Variants in GPR143 observed in about 807,000 individuals in gnomAD.
The protein encoded by GPR143 is G-protein coupled receptor 143.
In GPR143, 8 loss-of-function variants were observed where a neutral mutation model predicts 27.6. The ratio of observed to expected loss-of-function variants is 0.29; its 90% CI spans 0.17 to 0.52. The LOEUF (loss-of-function observed/expected upper bound fraction) is 0.52. Ranked by LOEUF, GPR143 falls within the 20% of genes least tolerant of loss-of-function variation. The pLI is 0.96. For missense variants in GPR143, 303 were observed against 343.1 expected (o/e 0.88, Z 0.92); for synonymous variants, 156 against 153.2 (o/e 1.02, Z -0.13).
rs754062843 is a variant in GPR143 at position 9,759,376 on chromosome X, A to G, written c.411T>C (p.Tyr137=). 1.7e-6 allele frequency: 2 copies of G among 1,200,403 alleles called. No individual in the cohort carries two copies. The highest frequency in any genetic ancestry group is 3.0e-5 in the East Asian group (1 of 33,604). Residue 137 remains tyrosine (Y), a synonymous_variant, in exon 3 of 9, where the codon TAT becomes TAC. Coordinates refer to ENST00000467482, the MANE Select transcript of GPR143 (RefSeq NM_000273.3). ...GGATCACCAGATAAGCATCCACTGC[A>G]TAGCAAAACAGCCACCAGAAGCAGG... The part of the protein sequence containing the change: ...YSACFWWLFC[Y]AVDAYLVIRR...
upstream of GPR143, among the ~76,000 whole-genome samples, chrX:9,768,498 T>C (rs763327935): frequency 9.0e-6 from 1 of 111,298 alleles, no homozygotes; most frequent in South Asian, 3.8e-4. Context: ...AGGCCAGTCC[T>C]GCTGTCCCTA....
intron 5 of GPR143, among the ~76,000 whole-genome samples, chrX:9,744,832 T>A (rs1334637462): frequency 8.9e-6 from 1 of 112,630 alleles, no homozygotes; most frequent in Admixed American, 9.4e-5. Flanking sequence ...CACCCAGAGG[T>A]AACCACTGTT....
intron 1 of GPR143, among the ~76,000 whole-genome samples, chrX:9,765,227 C>T (rs1177544972): frequency 1.9e-5 from 2 of 105,828 alleles, no homozygotes; most frequent in African/African-American, 6.9e-5. Flanking sequence ...GGCATCGATC[C>T]GGTCTCAACC....
intron 1 of GPR143, among the ~76,000 whole-genome samples, chrX:9,771,898 G>A (rs1387401666): frequency 1.8e-5 from 2 of 109,544 alleles, no homozygotes; most frequent in South Asian, 3.9e-4. Flanking sequence ...TTTAGTAGAG[G>A]TAGGGTTTCA....
chrX:9,769,675 G>A (rs999196789), upstream of GPR143, among the ~76,000 whole-genome samples: 1 of 111,357 alleles, frequency 9.0e-6, no homozygotes, highest in Non-Finnish European at 1.9e-5. Flanking sequence ...TCTGCCTCCC[G>A]GGTTCAAGTG....
At chrX:9,760,643 C>G (rs2083493169) in intron 2 of GPR143, 74 bp downstream of exon 2, 1 of 574,967 alleles carries the variant, frequency 1.7e-6, no homozygotes, top group Admixed American at 2.7e-5. Context: ...CTAACAGACT[C>G]CCAGGGTTTG....
intron 1 of GPR143, among the ~76,000 whole-genome samples, chrX:9,761,375 G>C: frequency 8.9e-6 from 1 of 112,650 alleles, no homozygotes; most frequent in Non-Finnish European, 1.9e-5. Context: ...ACAGGCGTGA[G>C]CCACCGCGCC....
At chrX:9,771,823 T>C (rs1398738339) in intron 1 of GPR143, among the ~76,000 whole-genome samples, 1 of 107,304 alleles carries the variant, frequency 9.3e-6, no homozygotes, top group African/African-American at 3.4e-5. Flanking sequence ...GCGATTCTCC[T>C]GCCTCAGCTC....
chrX:9,727,676 A>C (rs1865219862), intron 8 of GPR143, among the ~76,000 whole-genome samples: 2 of 113,115 alleles, frequency 1.8e-5, no homozygotes, highest in South Asian at 7.2e-4. Context: ...TACTTGCTCC[A>C]GCCGCAACAC....
chrX:9,759,503 G>T, intron 2 of GPR143, 77 bp from the exon 3 acceptor site: 1 of 668,791 alleles, frequency 1.5e-6, no homozygotes, highest in Non-Finnish European at 2.4e-6. Context: ...AGACGGCAGG[G>T]TAGACACTGG....
rs182693560 is a variant in GPR143 at position 9,754,365 on chromosome X, G to A, written c.455+4967C>T. ...TCCCTAGCCTGGCTGGGCTGGGAGC[G>A]GGTGAGGGTTGGGGGTATGTCTCAG... On this transcript the variant is annotated intron_variant, in intron 3 of 8. Transcript: ENST00000467482. 1.5e-3 allele frequency among the ~76,000 whole-genome samples: 173 copies of A among 111,792 alleles called. 1 individual carries two copies. The highest frequency in any genetic ancestry group is 5.3e-3 in the African/African-American group (164 of 30,815).
chrX:9,763,224 C>T (rs377185776), intron 1 of GPR143, among the ~76,000 whole-genome samples: 27 of 110,921 alleles, frequency 2.4e-4, no homozygotes, highest in African/African-American at 7.5e-4. Context: ...CAGGCGTGAG[C>T]CACCGCACCT....
chrX:9,776,698 G>C (rs780115023), intron 1 of GPR143, among the ~76,000 whole-genome samples: 1 of 107,187 alleles, frequency 9.3e-6, no homozygotes, highest in South Asian at 4.2e-4. Flanking sequence ...CCAAACTTGT[G>C]ACATTACTTA....
At chrX:9,770,600 C>T (rs1360111444), upstream of GPR143, among the ~76,000 whole-genome samples, 1 of 110,787 alleles carries the variant, frequency 9.0e-6, no homozygotes, top group Non-Finnish European at 1.9e-5. Context: ...AGATGTATTG[C>T]TCACCCTTCC....
intron 1 of GPR143, among the ~76,000 whole-genome samples, chrX:9,773,244 A>G (rs1211636543): frequency 8.9e-6 from 1 of 111,850 alleles, no homozygotes; most frequent in African/African-American, 3.3e-5. Context: ...ACATTTCTTT[A>G]TAAGAATGTC....
chrX:9,749,474 C>T (rs1191392440), intron 3 of GPR143, among the ~76,000 whole-genome samples: 1 of 111,520 alleles, frequency 9.0e-6, no homozygotes, highest in Non-Finnish European at 1.9e-5. Context: ...AACCACTAAT[C>T]TAGTTTCTGT....
intron 3 of GPR143, among the ~76,000 whole-genome samples, chrX:9,756,432 C>G (rs1364484221): frequency 9.1e-6 from 1 of 109,548 alleles, no homozygotes; most frequent in East Asian, 2.8e-4. Context: ...TGAAAGATAT[C>G]ATCAAGTAGG....
intron 3 of GPR143, among the ~76,000 whole-genome samples, chrX:9,750,657 G>A (rs951010614): frequency 5.4e-5 from 6 of 111,049 alleles, no homozygotes; most frequent in Admixed American, 1.9e-4. Context: ...TCCACCTCCC[G>A]GGTTCAAGCA....
At chrX:9,764,508 A>G (rs757066945) in intron 1 of GPR143, among the ~76,000 whole-genome samples, 201 of 8,620 alleles carry the variant, frequency 0.023, 1 homozygote, top group Non-Finnish European at 0.037. Context: ...ACACGCGCAC[A>G]CACACACACA....
Sources: allele counts gnomAD v4.1 joint callset (sites outside exome capture counted in the v4.1 genomes callset), GRCh38; gene constraint gnomAD v4.1.1; transcripts MANE v1.5; gene names NCBI Gene and HGNC (gene_info 2026-07-23, HGNC 2026-07-21).